Variants in DLC1 observed in about 807,000 individuals in gnomAD.
The protein encoded by DLC1 is rho GTPase-activating protein 7.
A neutral mutation model predicts 140.3 loss-of-function variants in DLC1; 54 were observed. The observed-to-expected ratio is 0.38, with a 90% confidence interval of 0.31 to 0.48. The LOEUF (loss-of-function observed/expected upper bound fraction) is 0.48, where lower values mean the gene tolerates loss of function less well. Among genes scored for constraint, DLC1 ranks in the 20% least tolerant of loss-of-function variants. The pLI is 0.96. For synonymous variants in DLC1, 986 were observed against 728.1 expected, an observed-to-expected ratio of 1.35 and a Z score of -5.70; for missense variants, 2,536 against 1,907.0, an observed-to-expected ratio of 1.33 and a Z score of -6.14.
intron 5 of DLC1, among the ~76,000 whole-genome samples, chr8:13,133,918 A>T (rs1040104431): frequency 6.6e-6 from 1 of 152,080 alleles, no homozygotes; most frequent in Non-Finnish European, 1.5e-5. Context: ...ATGGGTACGG[A>T]GCCAATGTAG....
chr8:13,588,463 C>T (rs1003937374), intron 1 of DLC1, among the ~76,000 whole-genome samples: 12 of 152,180 alleles, frequency 7.9e-5, no homozygotes, highest in African/African-American at 9.6e-5. Context: ...ACTTAGGAGG[C>T]AGCAGAATAT....
intron 7 of DLC1, among the ~76,000 whole-genome samples, chr8:13,103,288 G>T (rs1819256756): frequency 1.3e-5 from 2 of 151,376 alleles, no homozygotes; most frequent in East Asian, 2.0e-4. Context: ...TCCAGCCTGG[G>T]CGACAGAGTG....
At chr8:13,518,875 A>G (rs2117279006), upstream of DLC1, among the ~76,000 whole-genome samples, 1 of 152,302 alleles carries the variant, frequency 6.6e-6, no homozygotes, top group Non-Finnish European at 1.5e-5. Context: ...AATTTATTGA[A>G]GTTACTGTAT....
chr8:13,158,219 GTTAA>G (rs1156390269), intron 5 of DLC1, among the ~76,000 whole-genome samples: 2 of 152,168 alleles, frequency 1.3e-5, no homozygotes, highest in Non-Finnish European at 2.9e-5. Context: ...ATCAAGAGGG[GTTAA>G]TTGTGTGTCT....
intron 5 of DLC1, among the ~76,000 whole-genome samples, chr8:13,227,885 A>G (rs1302790808): frequency 6.6e-6 from 1 of 152,192 alleles, no homozygotes; most frequent in African/African-American, 2.4e-5. Context: ...ATTTCATTGA[A>G]TGAATCTTGG....
At chr8:13,474,990 G>T (rs1800376901) in intron 2 of DLC1, among the ~76,000 whole-genome samples, 1 of 152,064 alleles carries the variant, frequency 6.6e-6, no homozygotes, top group Non-Finnish European at 1.5e-5. Flanking sequence ...GCATTTTTGT[G>T]GTTGTTGAGA....
At chr8:13,358,541 G>C (rs1022695002) in intron 4 of DLC1, among the ~76,000 whole-genome samples, 1 of 151,796 alleles carries the variant, frequency 6.6e-6, no homozygotes, top group Non-Finnish European at 1.5e-5. Context: ...GTAGGGGAAG[G>C]AAATGTAAGA....
chr8:13,334,241 G>A (rs186300352), intron 4 of DLC1, among the ~76,000 whole-genome samples: 4 of 152,100 alleles, frequency 2.6e-5, no homozygotes, highest in East Asian at 1.9e-4. Flanking sequence ...TTGCAGATGC[G>A]GAGACCTTGG....
At chr8:13,434,969 C>CG (rs369310557) in intron 2 of DLC1, among the ~76,000 whole-genome samples, 21 of 152,060 alleles carry the variant, frequency 1.4e-4, no homozygotes, top group African/African-American at 5.1e-4. Context: ...CGTGACCCCC[C>CG]CCGGCTCACC....
intron 2 of DLC1, among the ~76,000 whole-genome samples, chr8:13,418,530 A>G (rs1016210705): frequency 6.6e-6 from 1 of 152,000 alleles, no homozygotes; most frequent in East Asian, 1.9e-4. Flanking sequence ...GTTGTAGATA[A>G]GCAGCGTTAT....
chr8:13,526,622 G>C (rs1224994686), intron 1 of DLC1, among the ~76,000 whole-genome samples: 1 of 152,076 alleles, frequency 6.6e-6, no homozygotes, highest in East Asian at 1.9e-4. Flanking sequence ...GTCCTTTATA[G>C]GGACATGGAT....
intron 5 of DLC1, among the ~76,000 whole-genome samples, chr8:13,293,710 C>A (rs1207057543): frequency 1.3e-5 from 2 of 152,174 alleles, no homozygotes; most frequent in South Asian, 2.1e-4. Context: ...AATAAATATA[C>A]CAACAAAGTG....
At position 13,361,318 on chromosome 8, in the gene DLC1, C is replaced by G. The variant is rs144847965; in HGVS notation, c.1314+32235G>C. On this transcript the variant is annotated intron_variant, in intron 4 of 17. Coordinates refer to ENST00000276297, the MANE Select transcript of DLC1 (RefSeq NM_182643.3). ...GGCTGGAGTGAAATGGTGCAAACAT[C>G]TTAATAGCTCACTGTAGCCTCGAAC... Among the ~76,000 whole-genome samples, 19 of 152,084 alleles carry G rather than the reference C, an allele frequency of 1.2e-4. No individual in the cohort carries two copies. The East Asian group carries it at 3.7e-3, about 30-fold the overall frequency.
chr8:13,238,242 A>G (rs1829381719), intron 5 of DLC1, among the ~76,000 whole-genome samples: 1 of 152,062 alleles, frequency 6.6e-6, no homozygotes, highest in South Asian at 2.1e-4. Context: ...AGACTCTGCA[A>G]TAATATAAAA....
chr8:13,499,771 C>G lies in DLC1; in HGVS notation c.301G>C (p.Glu101Gln). 1 of 1,614,042 alleles carries G rather than the reference C, an allele frequency of 6.2e-7. No individual in the cohort carries two copies. The highest frequency in any genetic ancestry group is 1.1e-5 in the South Asian group (1 of 91,084). Reference sequence around the variant, plus strand: ...TGCACTAGTGTTTCTGTGCTGGCTTCCAGAGAAAGAAACTGATCTTCACCT... The same window carrying G: ...TGCACTAGTGTTTCTGTGCTGGCTTGCAGAGAAAGAAACTGATCTTCACCT... ...HEGEDQFLSL[E>Q]ASTETLVHVS... is the part of the protein sequence containing the mutation. Residue 101 changes from glutamate to glutamine, a missense_variant, in exon 2 of 18, where the codon GAA becomes CAA. Glu to Gln is a conservative substitution (Grantham distance 29). Coordinates refer to ENST00000276297, the MANE Select transcript of DLC1 (RefSeq NM_182643.3).
chr8:13,533,963 A>C (rs957727441), intron 1 of DLC1, among the ~76,000 whole-genome samples: 1 of 152,154 alleles, frequency 6.6e-6, no homozygotes, highest in Non-Finnish European at 1.5e-5. Context: ...ACTGGCAATC[A>C]ATCAAACCTC....
At chr8:13,442,988 A>C (rs1798595678) in intron 2 of DLC1, among the ~76,000 whole-genome samples, 2 of 152,280 alleles carry the variant, frequency 1.3e-5, no homozygotes, top group South Asian at 4.1e-4. Flanking sequence ...GATTAAGAAA[A>C]TGTGGCACAT....
At chr8:13,373,710 C>T (rs987027904) in intron 4 of DLC1, among the ~76,000 whole-genome samples, 12 of 152,242 alleles carry the variant, frequency 7.9e-5, no homozygotes, top group Admixed American at 3.9e-4. Context: ...GGAGAGGGCT[C>T]CCTGTGCCTT....
intron 5 of DLC1, among the ~76,000 whole-genome samples, chr8:13,212,960 T>A (rs968113188): frequency 2.0e-5 from 3 of 152,208 alleles, no homozygotes; most frequent in African/African-American, 7.2e-5. Flanking sequence ...TTTGTATCAC[T>A]TTCTATTTGC....
Sources: gnomAD v4.1 joint callset for allele counts (sites outside exome capture counted in the v4.1 genomes callset) on GRCh38, gnomAD v4.1.1 for gene constraint, MANE v1.5 for transcripts, NCBI Gene and HGNC (gene_info 2026-07-23, HGNC 2026-07-21) for gene names.